The following CCDC83 variants were observed in gnomAD, a reference collection of about 807,000 sequenced individuals.
CCDC83 encodes coiled-coil domain-containing protein 83.
A neutral mutation model predicts 50.1 loss-of-function variants in CCDC83; 54 were observed. The ratio of observed to expected loss-of-function variants is 1.08; its 90% CI spans 0.87 to 1.35. The LOEUF (loss-of-function observed/expected upper bound fraction) is 1.35, where lower values mean the gene tolerates loss of function less well. Among genes scored for constraint, CCDC83 ranks in the 40% most tolerant of loss-of-function variants. The pLI, the probability that CCDC83 is intolerant of heterozygous loss-of-function variation, is 0.00. For missense variants in CCDC83, 518 were observed against 473.9 expected (o/e 1.09, Z -0.86); for synonymous variants, 161 against 153.3 (o/e 1.05, Z -0.37).
At chr11:85,871,081 C>T (rs917285185) in intron 2 of CCDC83, among the ~76,000 whole-genome samples, 12 of 152,066 alleles carry the variant, frequency 7.9e-5, no homozygotes, top group South Asian at 2.1e-4. Context: ...GTGGGACAAG[C>T]GCTTGAACCT....
At chr11:85,902,128 A>G (rs920304725) in intron 7 of CCDC83, among the ~76,000 whole-genome samples, 1 of 151,892 alleles carries the variant, frequency 6.6e-6, no homozygotes, top group African/African-American at 2.4e-5. Context: ...GAATTTTCAG[A>G]ACACCAAGAA....
rs780914699 is a variant in CCDC83, at chr11:85,898,950, G to T, written c.607G>T (p.Ala203Ser). 3.7e-6 allele frequency: 6 copies of T among 1,609,390 alleles called. No individual in the cohort carries two copies. The Admixed American group carries it at 1.0e-4, about 27-fold the overall frequency. Residue 203 changes from alanine (A) to serine (S), a missense_variant, in exon 7 of 11, where the codon GCT (alanine) becomes TCT (serine). By Grantham distance (99) the Ala-to-Ser change is moderately conservative. Coordinates refer to ENST00000342404, the MANE Select transcript of CCDC83 (RefSeq NM_001286159.2). Reference sequence around the variant, plus strand: ...TAATCCAGAAACTTTCTTTTAGAATGCTGTAAAGCTCATTGACAAGGGCAG... The same window carrying T: ...TAATCCAGAAACTTTCTTTTAGAATTCTGTAAAGCTCATTGACAAGGGCAG... ...DQKKEWATQN[A>S]VKLIDKGSYL...
At position 85,916,158 on chromosome 11, in the gene CCDC83, A is replaced by C. The variant is rs1254270879; in HGVS notation, c.1005A>C (p.Lys335Asn). 2.5e-6 allele frequency: 4 copies of C among 1,613,588 alleles called. No homozygotes were observed. The highest frequency in any genetic ancestry group is 3.4e-6 in the Non-Finnish European group (4 of 1,179,602). ...ATCTCCAGTATGTGAAGATAGATAAAGAGGAAAACTCAGGCACAGAGTTTG... is the reference window on the plus strand; with the variant it reads ...ATCTCCAGTATGTGAAGATAGATAACGAGGAAAACTCAGGCACAGAGTTTG... ...IEDLQYVKID[K>N]EENSGTEFGD... The change falls in exon 10 of 11, where the codon AAA (lysine) becomes AAC (asparagine). Residue 335 changes from lysine to asparagine, a missense_variant. Coordinates refer to ENST00000342404, the MANE Select transcript of CCDC83 (RefSeq NM_001286159.2).
At chr11:85,870,135 G>A (rs1468675534) in intron 2 of CCDC83, among the ~76,000 whole-genome samples, 1 of 152,216 alleles carries the variant, frequency 6.6e-6, no homozygotes, top group Non-Finnish European at 1.5e-5. Flanking sequence ...AGAAATAAAC[G>A]ATGCCCAATT....
In CCDC83 at chr11:85,916,235, T is replaced by C. The variant is rs1237867218; in HGVS notation, c.1080+2T>C. 1.9e-6 allele frequency: 3 copies of C among 1,588,128 alleles called. No homozygotes were observed. The South Asian group carries it at 3.4e-5, about 18-fold the overall frequency. ...TATGAGGATGAGAAGGATTTCAAGG[T>C]AAGATTCATAACAACACAACTTTGA... On this transcript the variant is annotated splice_donor_variant, in intron 10 of 10. Transcript: ENST00000342404. LOFTEE classifies it high-confidence loss of function.
At chr11:85,905,523 T>C (rs1419365591) in intron 7 of CCDC83, among the ~76,000 whole-genome samples, 2 of 150,766 alleles carry the variant, frequency 1.3e-5, no homozygotes, top group African/African-American at 4.9e-5. Context: ...GGTAGGAGAA[T>C]TGCTTGAACC....
At chr11:85,917,230 GAAAA>G (rs777553942) in intron 10 of CCDC83, among the ~76,000 whole-genome samples, 2 of 134,276 alleles carry the variant, frequency 1.5e-5, no homozygotes, top group East Asian at 2.0e-4. Context: ...AAGAAAGAAA[GAAAA>G]GAAAGAAAGA....
chr11:85,886,159 C>G, intron 4 of CCDC83, 41 bp from the exon 5 acceptor site: 1 of 1,465,398 alleles, frequency 6.8e-7, no homozygotes, highest in Non-Finnish European at 9.1e-7. Context: ...ATAATGGTTA[C>G]AAGGAAAACA....
chr11:85,887,802 CTTTTTT>C (rs372106214), intron 5 of CCDC83, among the ~76,000 whole-genome samples: 22 of 119,982 alleles, frequency 1.8e-4, no homozygotes, highest in African/African-American at 6.7e-4. Flanking sequence ...TTTATTGTAC[CTTTTTT>C]TTTTTTTTTT....
chr11:85,901,449 C>T (rs1016144728), intron 7 of CCDC83, among the ~76,000 whole-genome samples: 3 of 151,116 alleles, frequency 2.0e-5, no homozygotes, highest in South Asian at 2.1e-4. Context: ...GGTGAGCACC[C>T]GTAGTCCCAA....
rs767138168 is a variant in CCDC83 at position 85,919,561 on chromosome 11, G to A, written c.*51G>A. Reference sequence around the variant, plus strand: ...ACTTTTCCTTATAAATGTTCTTTGGGAACTGAAGTATATCCGTTGCCCATT... The same window carrying A: ...ACTTTTCCTTATAAATGTTCTTTGGAAACTGAAGTATATCCGTTGCCCATT... On this transcript the variant is annotated 3_prime_UTR_variant, in exon 11 of 11. Coordinates refer to ENST00000342404, the MANE Select transcript of CCDC83 (RefSeq NM_001286159.2). 2.9e-6 allele frequency: 4 copies of A among 1,386,346 alleles called. No homozygotes were observed. In the East Asian group the frequency reaches 9.4e-5, roughly 33 times the overall value. 85.9% of individuals were successfully genotyped at this position (1,386,346 alleles called of 1,614,324 possible). A position where few individuals can be genotyped will look rare whatever the true frequency, so the allele number is the denominator to read the frequency against.
chr11:85,872,091 T>A (rs1413795018), intron 2 of CCDC83, among the ~76,000 whole-genome samples: 1 of 151,908 alleles, frequency 6.6e-6, no homozygotes, highest in Non-Finnish European at 1.5e-5. Context: ...TAGCTAGAAC[T>A]ACAGGCATTC....
chr11:85,878,561 A>G (rs1013017325), intron 3 of CCDC83, among the ~76,000 whole-genome samples: 4 of 152,198 alleles, frequency 2.6e-5, no homozygotes, highest in African/African-American at 9.7e-5. Context: ...GGGATGTACC[A>G]GTTTGTTTAA....
rs573431933 is a variant in CCDC83, at chr11:85,915,007, G to A, written c.795-412G>A. Among the ~76,000 whole-genome samples the A allele has an allele frequency of 4.6e-5, 7 of 152,248 alleles. No individual in the cohort carries two copies. In the East Asian group the frequency reaches 7.7e-4, roughly 17 times the overall value. On this transcript the variant is annotated intron_variant, in intron 8 of 10. Coordinates refer to ENST00000342404, the MANE Select transcript of CCDC83 (RefSeq NM_001286159.2). Reference sequence around the variant, plus strand: ...ACACGAGAACAGCATGGAGGTAACCGCTCCCATAATTCAATTACTTCCCAC... The same window carrying A: ...ACACGAGAACAGCATGGAGGTAACCACTCCCATAATTCAATTACTTCCCAC...
In CCDC83 at chr11:85,915,407, T is replaced by G; in HGVS notation, c.795-12T>G. On this transcript the variant is annotated splice_polypyrimidine_tract_variant and intron_variant, in intron 8 of 10. Transcript: ENST00000342404. ...TTGACTGACAGATTGTTTTTCTCAT[T>G]TGTTCTTTTAGGCGACTATATCTTA... is the stretch of plus-strand genomic sequence containing the variant. 6.3e-7 allele frequency: 1 copy of G among 1,596,194 alleles called. No homozygotes were observed. The highest frequency in any genetic ancestry group is 8.6e-7 in the Non-Finnish European group (1 of 1,168,332).
At chr11:85,907,690 A>AAGAAGT (rs1160254480) in intron 7 of CCDC83, among the ~76,000 whole-genome samples, 3 of 152,148 alleles carry the variant, frequency 2.0e-5, no homozygotes, top group African/African-American at 7.2e-5. Context: ...GGTTATGAAA[A>AAGAAGT]AGAAGTAGTT....
At chr11:85,857,517 G>A (rs1353114289) in intron 1 of CCDC83, among the ~76,000 whole-genome samples, 3 of 152,212 alleles carry the variant, frequency 2.0e-5, no homozygotes, top group Non-Finnish European at 4.4e-5. Flanking sequence ...AGTACCCACA[G>A]CTCTTGTCGG....
intron 3 of CCDC83, among the ~76,000 whole-genome samples, chr11:85,882,136 A>AATAATAATAAT (rs1565141434): frequency 3.9e-5 from 5 of 129,702 alleles, no homozygotes; most frequent in Admixed American, 7.5e-5. Context: ...AAAAAAACAA[A>AATAATAATAAT]AATAATAATA....
At chr11:85,901,505 C>T (rs2093401718) in intron 7 of CCDC83, among the ~76,000 whole-genome samples, 1 of 151,546 alleles carries the variant, frequency 6.6e-6, no homozygotes, top group Non-Finnish European at 1.5e-5. Context: ...CTCAGCAGGT[C>T]AAGGCTGCAG....
Sources: allele counts gnomAD v4.1 joint callset (sites outside exome capture counted in the v4.1 genomes callset), GRCh38; gene constraint gnomAD v4.1.1; transcripts MANE v1.5; gene names NCBI Gene and HGNC (gene_info 2026-07-23, HGNC 2026-07-21).